KIF21B: variants seen among roughly 807,000 people sequenced by gnomAD.
KIF21B encodes the protein kinesin-like protein KIF21B.
Under a neutral mutation model 192.9 loss-of-function variants are expected in KIF21B, and 85 were observed. The observed-to-expected ratio is 0.44, with a 90% confidence interval of 0.37 to 0.53. The LOEUF is 0.53. Among genes scored for constraint, KIF21B ranks in the 20% least tolerant of loss-of-function variants. The pLI is 0.00. For synonymous variants in KIF21B, 832 were observed against 884.6 expected, an observed-to-expected ratio of 0.94 and a Z score of 1.05; for missense variants, 1,716 against 2,194.8, an observed-to-expected ratio of 0.78 and a Z score of 4.36.
chr1:201,023,667 C>G lies in KIF21B; in HGVS notation c.-284G>C, dbSNP rs1317551580. ...CCGCCGCTCCCTACGGCGCGGCACACGCGCACACACCTCCCACCCGGCAGC... is the reference window on the plus strand; with the variant it reads ...CCGCCGCTCCCTACGGCGCGGCACAGGCGCACACACCTCCCACCCGGCAGC... On this transcript the variant is annotated 5_prime_UTR_variant, in exon 1 of 35. Transcript: ENST00000461742. The surrounding 1 kb of genome is among the most constrained non-coding windows in gnomAD (Gnocchi z 5.9). 6.6e-6 allele frequency: 1 copy of G among 151,146 alleles called. No individual in the cohort carries two copies. Among genetic ancestry groups the G allele is most frequent in the Non-Finnish European group, 1.5e-5 (1 of 67,662 alleles). 9.4% of individuals were successfully genotyped at this position (151,146 alleles called of 1,614,324 possible).
chr1:201,017,049 T>G lies in KIF21B; in HGVS notation c.41+6294A>C, dbSNP rs528816595. Among the ~76,000 whole-genome samples, 2 of 151,786 alleles carry G rather than the reference T, an allele frequency of 1.3e-5. No individual in the cohort carries two copies. The highest frequency in any genetic ancestry group is 3.9e-4 in the East Asian group (2 of 5,156). On this transcript the variant is annotated intron_variant, in intron 1 of 34. Transcript: ENST00000461742. This position sits in a 1 kb window ranked among gnomAD's most constrained non-coding sequence, Gnocchi z 4.1. Reference sequence around the variant, plus strand: ...TCTGACCCCACCCCCTCCTCTTGAGTGTCCTTGACCTTACTAGGGTCTTGG... The same window carrying G: ...TCTGACCCCACCCCCTCCTCTTGAGGGTCCTTGACCTTACTAGGGTCTTGG...
intron 1 of KIF21B, among the ~76,000 whole-genome samples, chr1:201,018,048 C>G (rs1658603567): frequency 6.6e-6 from 1 of 152,184 alleles, no homozygotes; most frequent in Admixed American, 6.5e-5. Context: ...CCACCCAGCC[C>G]AGGGCCCTCT....
chr1:201,005,673 C>T lies in KIF21B; in HGVS notation c.469G>A (p.Asp157Asn). The T allele has an allele frequency of 1.9e-6, 3 of 1,614,070 alleles. No individual in the cohort carries two copies. The highest frequency in any genetic ancestry group is 2.5e-6 in the Non-Finnish European group (3 of 1,180,026). Reference protein sequence around the residue: ...FLELYNEEILDLFDSTRDPDT... With the variant: ...FLELYNEEILNLFDSTRDPDT... The stretch of plus-strand genomic sequence containing the variant: ...GGGTCACGGGTGCTGTCAAACAGGT[C>T]AAGGATCTCCTCGTTGTAGAGCTGT... Residue 157 changes from aspartate to asparagine, a missense_variant, in exon 4 of 35, where the codon GAC (aspartate) becomes AAC (asparagine). Physicochemically the swap from Asp to Asn is conservative, Grantham distance 23. Around this residue, in one of 3 missense-constraint regions of KIF21B, gnomAD observed 1,087 missense variants for 1,316.6 expected, o/e 0.83. Coordinates refer to ENST00000461742, the MANE Select transcript of KIF21B (RefSeq NM_001252102.2).
chr1:201,011,529 CA>C (rs1431082896), intron 1 of KIF21B, among the ~76,000 whole-genome samples: 13 of 152,194 alleles, frequency 8.5e-5, no homozygotes, highest in African/African-American at 3.1e-4. Context: ...TTCAGAGTGC[CA>C]GGGGGAAAGA....
At chr1:200,980,611 G>A (rs1203493595) in intron 29 of KIF21B, among the ~76,000 whole-genome samples, 1 of 152,228 alleles carries the variant, frequency 6.6e-6, no homozygotes, top group Non-Finnish European at 1.5e-5. Flanking sequence ...ACTTTGTAAA[G>A]TGCTGCTGCT....
chr1:201,009,141 C>T, intron 2 of KIF21B, 125 bp downstream of exon 2: 4 of 1,139,922 alleles, frequency 3.5e-6, no homozygotes, highest in South Asian at 3.1e-5. Context: ...GTGCAACGGC[C>T]TCCTTAGACA....
chr1:201,004,452 CCAG>C lies in KIF21B; in HGVS notation c.901_903del (p.Leu301del). The C allele has an allele frequency of 6.4e-7, 1 of 1,569,560 alleles. No individual in the cohort carries two copies. The stretch of plus-strand genomic sequence containing the variant: ...AAGGCGCTGATCACATTGCCCAAGG[CCAG>C]CTGTGGGAGACAGACCCTGGCACTC... On this transcript the variant is annotated inframe_deletion and splice_region_variant, in exon 7 of 35. Coordinates refer to ENST00000461742, the MANE Select transcript of KIF21B (RefSeq NM_001252102.2).
intron 1 of KIF21B, among the ~76,000 whole-genome samples, chr1:201,015,428 C>T (rs945501271): frequency 3.9e-5 from 6 of 152,362 alleles, no homozygotes; most frequent in Admixed American, 2.6e-4. Flanking sequence ...CTCTTTTCTG[C>T]TATAAGACCC....
chr1:201,005,805 G>C, intron 3 of KIF21B, 111 bp from the exon 4 acceptor site: 1 of 1,183,186 alleles, frequency 8.5e-7, no homozygotes. Flanking sequence ...TGAGGCTGTG[G>C]GTCCCCTCTG....
chr1:200,987,121 G>GTTCT lies in KIF21B; in HGVS notation c.3485_3488dup (p.Asn1163LysfsTer12). ...CGAGGGAGGCCAGGGACTTGGTGAT[G>GTTCT]TTCTTGGTGGAGATATCCAGTGGGG... On this transcript the variant is annotated frameshift_variant, in exon 25 of 35. Coordinates refer to ENST00000461742, the MANE Select transcript of KIF21B (RefSeq NM_001252102.2). LOFTEE classifies it high-confidence loss of function. The GTTCT allele has an allele frequency of 6.2e-7, 1 of 1,614,094 alleles. No homozygotes were observed. The highest frequency in any genetic ancestry group is 8.5e-7 in the Non-Finnish European group (1 of 1,180,034).
chr1:200,988,494 T>C lies in KIF21B; in HGVS notation c.3349A>G (p.Ser1117Gly), dbSNP rs765567729. Residue 1117 changes from serine to glycine, a missense_variant and splice_region_variant, in exon 23 of 35, where the codon AGC becomes GGC. By Grantham distance (56) the Ser-to-Gly change is moderately conservative. This residue lies in a region of KIF21B where 580 missense variants were observed against 775.5 expected (regional missense o/e 0.75). Transcript: ENST00000461742. Reference sequence around the variant, plus strand: ...CTCACTCCCAGCTTGCAAACTCACCTGCCCTCAGAGAACTCTGAGATCTCC... The same window carrying C: ...CTCACTCCCAGCTTGCAAACTCACCCGCCCTCAGAGAACTCTGAGATCTCC... Reference protein sequence around the residue: ...DEEISEFSEGSFSQSFTMKGS... With the variant: ...DEEISEFSEGGFSQSFTMKGS... The C allele has an allele frequency of 2.1e-6, 3 of 1,437,450 alleles. No individual in the cohort carries two copies. In the East Asian group the frequency reaches 8.5e-5, roughly 41 times the overall value. 89.0% of individuals were successfully genotyped at this position (1,437,450 alleles called of 1,614,324 possible). A position where few individuals can be genotyped will look rare whatever the true frequency, so the allele number is the denominator to read the frequency against.
At chr1:201,005,987 G>C (rs11589573) in intron 3 of KIF21B, among the ~76,000 whole-genome samples, 29,496 of 152,288 alleles carry the variant, frequency 0.19, 3,584 homozygotes, top group Non-Finnish European at 0.28. Context: ...ACGGGTCCCA[G>C]ATGTAGGAGA....
At position 200,973,570 on chromosome 1, in the gene KIF21B, G is replaced by A. The variant is rs568207572; in HGVS notation, c.4823C>T (p.Thr1608Met). The A allele has an allele frequency of 1.2e-5, 18 of 1,516,476 alleles. No individual in the cohort carries two copies. The highest frequency in any genetic ancestry group is 1.1e-4 in the Admixed American group (5 of 44,578). The allele number at this position is 1,516,476 out of a possible 1,614,324, so 93.9% of individuals were successfully genotyped here. Residue 1608 changes from threonine to methionine, a missense_variant, in exon 35 of 35, where the codon ACG becomes ATG. By Grantham distance (81) the Thr-to-Met change is moderately conservative. Coordinates refer to ENST00000461742, the MANE Select transcript of KIF21B (RefSeq NM_001252102.2). ...KHIFTASSDL[T>M]VKFWSVRRLP... is the part of the protein sequence containing the mutation. ...CCGCCGGACACTCCAGAACTTCACC[G>A]TCAGGTCACTGGGGTGGAGGACAAA...
intron 26 of KIF21B, 63 bp downstream of exon 26, chr1:200,986,781 A>G (rs1656330478): frequency 2.2e-6 from 3 of 1,366,416 alleles, no homozygotes; most frequent in Admixed American, 3.7e-5. Flanking sequence ...CATCATAGCC[A>G]CTCATGTAAC....
At chr1:201,015,289 T>C (rs1327366480) in intron 1 of KIF21B, among the ~76,000 whole-genome samples, 1 of 152,244 alleles carries the variant, frequency 6.6e-6, no homozygotes, top group Non-Finnish European at 1.5e-5. Flanking sequence ...GATTTTAGGC[T>C]GGCAGACACC....
In KIF21B at chr1:201,008,896, T is replaced by C; in HGVS notation, c.320A>G (p.Glu107Gly). 2 of 1,611,932 alleles carry C rather than the reference T, an allele frequency of 1.2e-6. No homozygotes were observed. The highest frequency in any genetic ancestry group is 1.7e-6 in the Non-Finnish European group (2 of 1,179,996). Residue 107 changes from glutamate (E) to glycine (G), a missense_variant, in exon 3 of 35, where the codon GAG (glutamate) becomes GGG (glycine). Glu to Gly is a moderately conservative substitution (Grantham distance 98). This residue lies in a region of KIF21B where 1,087 missense variants were observed against 1,316.6 expected (regional missense o/e 0.83). Coordinates refer to ENST00000461742, the MANE Select transcript of KIF21B (RefSeq NM_001252102.2). ...CCTCGGGATGATGCCCTGCTCCTCC[T>C]CCGACGTTGCCATGTCAAAGCCAGT... ...MGTGFDMATS[E>G]EEQGIIPRAI...
chr1:200,999,448 C>T lies in KIF21B; in HGVS notation c.1786G>A (p.Glu596Lys), dbSNP rs892966441. ...EAEEEEEERD[E>K]SGCEEEEGRE... ...CCTTCCTCCTCCTCACAGCCACTCT[C>T]GTCTCGCTCTTCCTCCTCCTGGGCA... The change falls in exon 13 of 35, where the codon GAG becomes AAG. Residue 596 changes from glutamate (E) to lysine (K), a missense_variant. Around this residue, in one of 3 missense-constraint regions of KIF21B, gnomAD observed 1,087 missense variants for 1,316.6 expected, o/e 0.83. Coordinates refer to ENST00000461742, the MANE Select transcript of KIF21B (RefSeq NM_001252102.2). This position sits in a 1 kb window ranked among gnomAD's most constrained non-coding sequence, Gnocchi z 4.7. The T allele has an allele frequency of 3.0e-5, 49 of 1,613,878 alleles. No homozygotes were observed. The highest frequency in any genetic ancestry group is 4.0e-5 in the Non-Finnish European group (47 of 1,179,926).
intron 21 of KIF21B, among the ~76,000 whole-genome samples, chr1:200,989,446 A>C (rs1373060959): frequency 6.6e-6 from 1 of 152,218 alleles, no homozygotes; most frequent in Non-Finnish European, 1.5e-5. Flanking sequence ...CACAGGCCCC[A>C]GGAGGGAAGG....
chr1:200,990,455 G>T lies in KIF21B; in HGVS notation c.2835+121C>A. The T allele has an allele frequency of 6.7e-7, 1 of 1,483,844 alleles. No individual in the cohort carries two copies. The highest frequency in any genetic ancestry group is 9.2e-7 in the Non-Finnish European group (1 of 1,090,822). 91.9% of individuals were successfully genotyped at this position (1,483,844 alleles called of 1,614,324 possible). On this transcript the variant is annotated intron_variant, in intron 19 of 34. Transcript: ENST00000461742. This position sits in a 1 kb window ranked among gnomAD's most constrained non-coding sequence, Gnocchi z 5.4. ...GTCCCCCCAGCACCTCTGGATTCCAGAGCAGGCAAAAGGAGCAGAGGGAAG... is the reference window on the plus strand; with the variant it reads ...GTCCCCCCAGCACCTCTGGATTCCATAGCAGGCAAAAGGAGCAGAGGGAAG...
Sources: gnomAD v4.1 joint callset for allele counts (sites outside exome capture counted in the v4.1 genomes callset) on GRCh38, gnomAD v4.1.1 for gene constraint, gnomAD v4.1.1 regional missense constraint, Gnocchi (gnomAD v3.1) non-coding constraint, MANE v1.5 for transcripts, NCBI Gene and HGNC (gene_info 2026-07-23, HGNC 2026-07-21) for gene names.